Variants in ZSWIM2 observed in about 807,000 individuals in gnomAD.
The protein encoded by ZSWIM2 is zinc finger SWIM-type containing 2.
ZSWIM2 carries 38 observed loss-of-function variants against 48.4 expected under a neutral mutation model. The ratio of observed to expected loss-of-function variants is 0.79; its 90% CI spans 0.61 to 1.03. The LOEUF (loss-of-function observed/expected upper bound fraction) is 1.03, where lower values mean the gene tolerates loss of function less well. ZSWIM2 is among the 50% of genes least tolerant of loss of function. The pLI is 0.00. For missense variants in ZSWIM2, 776 were observed against 730.2 expected (o/e 1.06, Z -0.72); for synonymous variants, 240 against 251.3 (o/e 0.96, Z 0.42).
chr2:186,834,393 C>T (rs1691757600), intron 5 of ZSWIM2, among the ~76,000 whole-genome samples: 1 of 152,100 alleles, frequency 6.6e-6, no homozygotes, highest in African/African-American at 2.4e-5. Context: ...CTGACCTGGT[C>T]TGTGGCCTGT....
chr2:186,844,867 A>G (rs1404701957), intron 2 of ZSWIM2, 110 bp from the exon 3 acceptor site: 33 of 958,678 alleles, frequency 3.4e-5, no homozygotes, highest in Non-Finnish European at 7.4e-6. Context: ...TATATTATGG[A>G]AAGTGTTATG....
intron 3 of ZSWIM2, among the ~76,000 whole-genome samples, chr2:186,842,334 T>C (rs1691917791): frequency 6.6e-6 from 1 of 151,340 alleles, no homozygotes; most frequent in Non-Finnish European, 1.5e-5. Flanking sequence ...TATTAGTCTC[T>C]AGTATTACAT....
At chr2:186,831,639 T>C (rs908264264) in intron 7 of ZSWIM2, among the ~76,000 whole-genome samples, 1 of 151,800 alleles carries the variant, frequency 6.6e-6, no homozygotes, top group South Asian at 2.1e-4. Context: ...TGTCCAACAA[T>C]GATAGACTGG....
At chr2:186,831,422 G>T (rs1417581881) in intron 7 of ZSWIM2, among the ~76,000 whole-genome samples, 2 of 151,290 alleles carry the variant, frequency 1.3e-5, no homozygotes, top group African/African-American at 4.9e-5. Context: ...TATTTAATGA[G>T]AACAAGCACA....
At chr2:186,844,015 T>A (rs184452780) in intron 3 of ZSWIM2, among the ~76,000 whole-genome samples, 96 of 151,828 alleles carry the variant, frequency 6.3e-4, no homozygotes, top group Non-Finnish European at 1.2e-3. Context: ...TAATTATTCA[T>A]GAATATCAGA....
At chr2:186,834,952 G>A (rs1046624840) in intron 5 of ZSWIM2, among the ~76,000 whole-genome samples, 4 of 152,098 alleles carry the variant, frequency 2.6e-5, no homozygotes, top group Admixed American at 2.0e-4. Flanking sequence ...GGATGTGGAC[G>A]TTTTAGGAAG....
Position 186,844,705 on chromosome 2 carries a change from C to G in ZSWIM2, c.283+12G>C. 2 of 1,548,310 alleles carry G rather than the reference C, an allele frequency of 1.3e-6. No homozygotes were observed. The highest frequency in any genetic ancestry group is 1.3e-5 in the South Asian group (1 of 78,062). On this transcript the variant is annotated intron_variant, in intron 3 of 8. Coordinates refer to ENST00000295131, the MANE Select transcript of ZSWIM2 (RefSeq NM_182521.3). ...AAAAAAAAACACAAAAAACCCAAAC[C>G]CCAAAACTTACATTCATGGTTCCTT...
Position 186,828,302 on chromosome 2 carries a change from C to T in ZSWIM2, c.1584G>A (p.Met528Ile). ...ATTTTCCACTGATGCATGGACTTTC[C>T]ATTGCAGTGGGACACACAATATTCT... ...VHKNIVCPTAMESPCISGKFH... is the reference protein window; with the variant it reads ...VHKNIVCPTAIESPCISGKFH... Residue 528 changes from methionine to isoleucine, a missense_variant, in exon 9 of 9, where the codon ATG becomes ATA. Transcript: ENST00000295131. The T allele has an allele frequency of 6.2e-7, 1 of 1,613,650 alleles. No individual in the cohort carries two copies. Among genetic ancestry groups the T allele is most frequent in the South Asian group, 1.1e-5 (1 of 91,064 alleles).
chr2:186,828,470 A>G lies in ZSWIM2; in HGVS notation c.1416T>C (p.Ser472=). ...TTGAATTTGAATTATCTAATTTGAT[A>G]GAGCATAGATTATCTATTGTTGTAT... ...YENTTIDNLC[S]IKLDNSNSKK... is the part of the protein sequence containing the mutation. Residue 472 remains serine (S), a synonymous_variant, in exon 9 of 9, where the codon TCT becomes TCC. Transcript: ENST00000295131. 1 of 1,613,346 alleles carries G rather than the reference A, an allele frequency of 6.2e-7. No homozygotes were observed. The highest frequency in any genetic ancestry group is 8.5e-7 in the Non-Finnish European group (1 of 1,179,644).
Position 186,829,712 on chromosome 2 carries a change from T to C in ZSWIM2, c.1095+15A>G. 1 of 1,599,886 alleles carries C rather than the reference T, an allele frequency of 6.3e-7. No individual in the cohort carries two copies. The highest frequency in any genetic ancestry group is 1.8e-5 in the Admixed American group (1 of 54,774). ...CCCTACAGGGAAAGTAAAACTAAAA[T>C]GATGTGACTTTTACCTTGTGAGTAC... On this transcript the variant is annotated intron_variant, in intron 8 of 8. Transcript: ENST00000295131.
rs540533763 is a variant in ZSWIM2 at position 186,828,166 on chromosome 2, G to A, written c.1720C>T (p.Pro574Ser). 70 of 1,613,470 alleles carry A rather than the reference G, an allele frequency of 4.3e-5. No homozygotes were observed. In the South Asian group the frequency reaches 5.9e-4, roughly 14 times the overall value. Residue 574 changes from proline to serine, a missense_variant, in exon 9 of 9, where the codon CCA becomes TCA. Pro to Ser is a moderately conservative substitution (Grantham distance 74, BLOSUM62 -1). Transcript: ENST00000295131. ...TTGACAATAAGATTGAAATCCTCTG[G>A]AAGTAAAGTTGATCTCTTGTTGTCC... ...REDNKRSTLL[P>S]EDFNLIVNWS...
chr2:186,841,920 T>G (rs999380493), intron 3 of ZSWIM2, among the ~76,000 whole-genome samples: 6 of 151,332 alleles, frequency 4.0e-5, no homozygotes, highest in Non-Finnish European at 8.9e-5. Flanking sequence ...AAGATAGTAT[T>G]CACTAGTTAT....
In ZSWIM2 at chr2:186,837,304, A is replaced by C; in HGVS notation, c.743+2T>G. The stretch of plus-strand genomic sequence containing the variant: ...TGCTTATAATTTACGGATAACACTT[A>C]CTTATAACACTTCCCCTCAATTGGA... On this transcript the variant is annotated splice_donor_variant, in intron 5 of 8. Coordinates refer to ENST00000295131, the MANE Select transcript of ZSWIM2 (RefSeq NM_182521.3). LOFTEE classifies it high-confidence loss of function. 6.2e-7 allele frequency: 1 copy of C among 1,612,234 alleles called. No homozygotes were observed. The highest frequency in any genetic ancestry group is 8.5e-7 in the Non-Finnish European group (1 of 1,178,832).
chr2:186,837,696 T>G (rs1461312036), intron 4 of ZSWIM2, 142 bp from the exon 5 acceptor site: 1 of 240,336 alleles, frequency 4.2e-6, no homozygotes, highest in African/African-American at 2.3e-5. Context: ...AAATAGATTC[T>G]GAACTGATTT....
intron 6 of ZSWIM2, 58 bp downstream of exon 6, chr2:186,833,888 T>G: frequency 7.3e-7 from 1 of 1,371,250 alleles, no homozygotes; most frequent in Non-Finnish European, 1.0e-6. Context: ...TTACACTGAC[T>G]TAGCTCTACA....
At chr2:186,836,421 T>C (rs934126001) in intron 5 of ZSWIM2, among the ~76,000 whole-genome samples, 2 of 152,144 alleles carry the variant, frequency 1.3e-5, no homozygotes. Context: ...AATACTTTTG[T>C]TAATAATCAA....
At chr2:186,832,256 AG>A (rs1691713532) in intron 7 of ZSWIM2, among the ~76,000 whole-genome samples, 1 of 151,470 alleles carries the variant, frequency 6.6e-6, no homozygotes, top group African/African-American at 2.4e-5. Flanking sequence ...CTGGGATTAC[AG>A]GTATGTGCCA....
chr2:186,848,771 T>G, intron 1 of ZSWIM2, 195 bp downstream of exon 1: 1 of 651,798 alleles, frequency 1.5e-6, no homozygotes, highest in Non-Finnish European at 2.6e-6. Flanking sequence ...AAAAAGAAAC[T>G]TCTAATAAAT....
chr2:186,839,130 T>A lies in ZSWIM2; in HGVS notation c.323A>T (p.Asp108Val), dbSNP rs1405204352. The A allele has an allele frequency of 1.2e-6, 2 of 1,611,500 alleles. No individual in the cohort carries two copies. Among genetic ancestry groups the A allele is most frequent in the African/African-American group, 2.7e-5 (2 of 74,758 alleles). The change falls in exon 4 of 9, where the codon GAC becomes GTC. Residue 108 changes from aspartate (D) to valine (V), a missense_variant. Coordinates refer to ENST00000295131, the MANE Select transcript of ZSWIM2 (RefSeq NM_182521.3). Reference protein sequence around the residue: ...QLGLGEREISDLLRGIHRVQT... With the variant: ...QLGLGEREISVLLRGIHRVQT... Reference sequence around the variant, plus strand: ...AACTCGATGTATCCCCCGAAGCAAGTCACTTATCTCTCTTTCTCCAAGACC... The same window carrying A: ...AACTCGATGTATCCCCCGAAGCAAGACACTTATCTCTCTTTCTCCAAGACC...
Sources: allele counts gnomAD v4.1 joint callset (sites outside exome capture counted in the v4.1 genomes callset), GRCh38; gene constraint gnomAD v4.1.1; transcripts MANE v1.5; gene names NCBI Gene and HGNC (gene_info 2026-07-23, HGNC 2026-07-21).